Variants in NRG3 observed in about 807,000 individuals in gnomAD.
The protein encoded by NRG3 is pro-neuregulin-3, membrane-bound isoform.
In NRG3, 31 loss-of-function variants were observed where a neutral mutation model predicts 66.9. The observed-to-expected ratio is 0.46, with a 90% CI of 0.35 to 0.63. NRG3 has a LOEUF of 0.63. Ranked by LOEUF, NRG3 falls within the 20% of genes least tolerant of loss-of-function variation. The probability of loss-of-function intolerance (pLI) is 0.00; values close to 1 mark genes in which losing one functional copy is unlikely to be tolerated. For synonymous variants in NRG3, 393 were observed against 359.4 expected, an observed-to-expected ratio of 1.09 and a Z score of -1.06; for missense variants, 910 against 878.9, an observed-to-expected ratio of 1.04 and a Z score of -0.45.
intron 1 of NRG3, among the ~76,000 whole-genome samples, chr10:81,925,738 CT>C (rs774609576): frequency 7.1e-6 from 1 of 141,128 alleles, no homozygotes; most frequent in Non-Finnish European, 1.5e-5. Flanking sequence ...TCTGAAAAAA[CT>C]TTTTTTTTAA....
intron 1 of NRG3, among the ~76,000 whole-genome samples, chr10:82,046,964 G>T: frequency 6.7e-6 from 1 of 148,210 alleles, no homozygotes; most frequent in Non-Finnish European, 1.5e-5. Flanking sequence ...TGCTGGATTC[G>T]GTTTGTCAGT....
At chr10:82,279,608 G>A (rs1211527500) in intron 1 of NRG3, among the ~76,000 whole-genome samples, 1 of 152,094 alleles carries the variant, frequency 6.6e-6, no homozygotes. Context: ...ATGCACTTAG[G>A]GATGTGTAAA....
chr10:81,893,659 G>T (rs979995308), intron 1 of NRG3, among the ~76,000 whole-genome samples: 7 of 152,114 alleles, frequency 4.6e-5, no homozygotes, highest in African/African-American at 1.4e-4. Context: ...TTTTAAAAGA[G>T]TATCTTCTTG....
chr10:82,085,216 A>G (rs1315985715), intron 1 of NRG3, among the ~76,000 whole-genome samples: 2 of 152,100 alleles, frequency 1.3e-5, no homozygotes, highest in Non-Finnish European at 2.9e-5. Context: ...CCTTTTGGAA[A>G]ATACATGCTT....
Position 82,205,050 on chromosome 10 carries a change from C to T in NRG3, c.824-153689C>T, listed in dbSNP as rs116107784. On this transcript the variant is annotated intron_variant, in intron 1 of 8. Transcript: ENST00000372141. ...GGTGAGCATTTGGTATTGTTTGTGTCGTACATGGAGATATGCAATAAGCAA... is the reference window on the plus strand; with the variant it reads ...GGTGAGCATTTGGTATTGTTTGTGTTGTACATGGAGATATGCAATAAGCAA... Among the ~76,000 whole-genome samples the T allele has an allele frequency of 1.7e-3, 262 of 152,148 alleles. 1 individual carries two copies. The highest frequency in any genetic ancestry group is 5.7e-3 in the African/African-American group (235 of 41,510).
At chr10:82,304,278 G>C (rs1033990903) in intron 1 of NRG3, among the ~76,000 whole-genome samples, 5 of 152,184 alleles carry the variant, frequency 3.3e-5, no homozygotes, top group African/African-American at 1.2e-4. Context: ...ATGTCTAAGA[G>C]TCATTTGCAA....
At chr10:82,526,364 G>A (rs1846693842) in intron 2 of NRG3, among the ~76,000 whole-genome samples, 1 of 151,476 alleles carries the variant, frequency 6.6e-6, no homozygotes, top group African/African-American at 2.4e-5. Flanking sequence ...AATTTGAAAG[G>A]AGAACACAGG....
At chr10:82,931,650 A>G (rs965263505) in intron 4 of NRG3, among the ~76,000 whole-genome samples, 6 of 152,062 alleles carry the variant, frequency 3.9e-5, no homozygotes, top group African/African-American at 1.4e-4. Flanking sequence ...GAGGTCCTTG[A>G]GGGCCAAGGT....
At chr10:82,264,943 G>A (rs941327025) in intron 1 of NRG3, among the ~76,000 whole-genome samples, 3 of 152,316 alleles carry the variant, frequency 2.0e-5, no homozygotes, top group Middle Eastern at 6.8e-3. Context: ...CCTTTCACTT[G>A]ATCAGGAGGC....
At chr10:82,529,057 A>G (rs1847004227) in intron 2 of NRG3, among the ~76,000 whole-genome samples, 3 of 152,228 alleles carry the variant, frequency 2.0e-5, no homozygotes, top group African/African-American at 7.2e-5. Context: ...CTTCCAATAT[A>G]GTCTTACCTA....
chr10:82,733,764 G>A (rs1048048516), intron 2 of NRG3, among the ~76,000 whole-genome samples: 4 of 152,206 alleles, frequency 2.6e-5, no homozygotes, highest in African/African-American at 9.6e-5. Context: ...AGGAGAAATT[G>A]AAGAATGATC....
chr10:81,909,080 G>C (rs1371654152), intron 1 of NRG3, among the ~76,000 whole-genome samples: 3 of 152,154 alleles, frequency 2.0e-5, no homozygotes, highest in African/African-American at 7.2e-5. Flanking sequence ...CCCTCTGAAG[G>C]CTCTAGGGAA....
At chr10:82,857,948 G>T (rs1409627947) in intron 3 of NRG3, among the ~76,000 whole-genome samples, 1 of 152,218 alleles carries the variant, frequency 6.6e-6, no homozygotes, top group Non-Finnish European at 1.5e-5. Flanking sequence ...AGACATTCTA[G>T]GATTGAACAC....
intron 2 of NRG3, among the ~76,000 whole-genome samples, chr10:82,704,815 A>T (rs1372013879): frequency 6.6e-6 from 1 of 152,218 alleles, no homozygotes; most frequent in African/African-American, 2.4e-5. Context: ...TTGTCATTCA[A>T]AATATTTTAA....
intron 1 of NRG3, among the ~76,000 whole-genome samples, chr10:81,909,373 G>T (rs1161063473): frequency 6.6e-6 from 1 of 152,088 alleles, no homozygotes; most frequent in Non-Finnish European, 1.5e-5. Context: ...ATGAATTCTT[G>T]GGGGGATGTT....
chr10:81,930,125 C>T (rs1355275320), intron 1 of NRG3, among the ~76,000 whole-genome samples: 1 of 152,118 alleles, frequency 6.6e-6, no homozygotes. Flanking sequence ...CAGGACCTCT[C>T]AGTGATGCAT....
chr10:82,564,205 A>G (rs1265410330), intron 2 of NRG3, among the ~76,000 whole-genome samples: 3 of 152,178 alleles, frequency 2.0e-5, no homozygotes, highest in African/African-American at 7.2e-5. Context: ...TCATCCTTTC[A>G]ATCAGAAATG....
At chr10:82,626,300 G>C (rs983405934) in intron 2 of NRG3, among the ~76,000 whole-genome samples, 1 of 152,168 alleles carries the variant, frequency 6.6e-6, no homozygotes, top group African/African-American at 2.4e-5. Flanking sequence ...TGGCATAGAA[G>C]AGAGAAAGAA....
intron 1 of NRG3, among the ~76,000 whole-genome samples, chr10:82,156,221 T>C (rs2071171324): frequency 6.6e-6 from 1 of 151,656 alleles, no homozygotes; most frequent in Non-Finnish European, 1.5e-5. Flanking sequence ...TATATCAATC[T>C]ACACTTACAT....
Sources: allele counts gnomAD v4.1 joint callset (sites outside exome capture counted in the v4.1 genomes callset), GRCh38; gene constraint gnomAD v4.1.1; transcripts MANE v1.5; gene names NCBI Gene and HGNC (gene_info 2026-07-23, HGNC 2026-07-21).